SLC35D1: variants seen among roughly 807,000 people sequenced by gnomAD.
SLC35D1 encodes solute carrier family 35 member D1.
SLC35D1 carries 31 observed loss-of-function variants against 46.7 expected under a neutral mutation model. The observed-to-expected ratio is 0.66, with a 90% confidence interval of 0.50 to 0.90. SLC35D1 has a LOEUF of 0.90. Ranked by LOEUF, SLC35D1 falls within the 40% of genes least tolerant of loss-of-function variation. The pLI is 0.00. For synonymous variants in SLC35D1, 195 were observed against 164.6 expected (o/e 1.18, Z -1.41); for missense variants, 397 against 426.2 (o/e 0.93, Z 0.60).
At chr1:66,982,126 C>G in the SLC35D1 span, among the ~76,000 whole-genome samples, 399 of 152,270 alleles carry the variant, frequency 2.6e-3, 1 homozygote, top group African/African-American at 9.3e-3. Flanking sequence ...TTAATAAAGC[C>G]TACTGTCAAC....
Position 67,004,069 on chromosome 1 carries a change from T to C in SLC35D1, c.*271A>G, listed in dbSNP as rs973607669. 1.3e-5 allele frequency: 5 copies of C among 378,570 alleles called. No individual in the cohort carries two copies. Among genetic ancestry groups the C allele is most frequent in the African/African-American group, 1.0e-4 (5 of 48,502 alleles). The allele number at this position is 378,570 out of a possible 1,614,324, so 23.5% of individuals were successfully genotyped here. ...TACTTTCAAAACACTGATGTTTCAC[T>C]GTCGGCATATAAGAAAAATAAATTA... is the stretch of plus-strand genomic sequence containing the variant. On this transcript the variant is annotated 3_prime_UTR_variant, in exon 12 of 12. Coordinates refer to ENST00000235345, the MANE Select transcript of SLC35D1 (RefSeq NM_015139.3).
intron 6 of SLC35D1, among the ~76,000 whole-genome samples, chr1:67,048,969 G>A (rs1558167298): frequency 6.6e-6 from 1 of 152,166 alleles, no homozygotes; most frequent in Non-Finnish European, 1.5e-5. Flanking sequence ...CACAGAAGAG[G>A]AGACATGCTT....
At chr1:67,052,408 C>A (rs1645319146) in intron 3 of SLC35D1, among the ~76,000 whole-genome samples, 1 of 152,062 alleles carries the variant, frequency 6.6e-6, no homozygotes, top group Non-Finnish European at 1.5e-5. Context: ...AAAGTAAAGG[C>A]ATTTCATCTT....
intron 1 of SLC35D1, 98 bp downstream of exon 1, chr1:67,053,713 C>T (rs1342000983): frequency 6.9e-5 from 84 of 1,211,888 alleles, no homozygotes; most frequent in Non-Finnish European, 9.0e-5. Context: ...CTTTGTTCGG[C>T]TTTAACTTTG....
intron 8 of SLC35D1, among the ~76,000 whole-genome samples, chr1:67,040,518 A>G (rs1182621901): frequency 6.6e-6 from 1 of 152,188 alleles, no homozygotes; most frequent in African/African-American, 2.4e-5. Context: ...GTCTCTGCTA[A>G]TGTTTCTAAG....
the SLC35D1 span, among the ~76,000 whole-genome samples, chr1:66,977,525 T>C: frequency 1.3e-5 from 2 of 152,216 alleles, no homozygotes; most frequent in African/African-American, 4.8e-5. Flanking sequence ...AACTCTAGTG[T>C]AGTCCCATTG....
At chr1:66,984,611 A>C in the SLC35D1 span, 1 of 1,609,010 alleles carries the variant, frequency 6.2e-7, no homozygotes, top group African/African-American at 1.3e-5. Context: ...TTAAACAAAG[A>C]GGAAGTAAAA....
At chr1:67,010,344 T>G (rs1667539599) in intron 10 of SLC35D1, among the ~76,000 whole-genome samples, 1 of 152,176 alleles carries the variant, frequency 6.6e-6, no homozygotes. Context: ...AAAATATCTT[T>G]GCATCTTCTT....
rs745665531 is a variant in SLC35D1 at position 67,008,410 on chromosome 1, C to G, written c.959+675G>C. 3.9e-6 allele frequency: 5 copies of G among 1,286,816 alleles called. No individual in the cohort carries two copies. In the South Asian group the frequency reaches 6.2e-5, roughly 16 times the overall value. 79.7% of individuals were successfully genotyped at this position (1,286,816 alleles called of 1,614,324 possible). A position where few individuals can be genotyped will look rare whatever the true frequency, so the allele number is the denominator to read the frequency against. On this transcript the variant is annotated intron_variant, in intron 11 of 11. Transcript: ENST00000235345. ...CCTCAGCCTCCCAAAGTGGCACTAC[C>G]AACTCTTAACTCACAGAGACCTCTG...
intron 8 of SLC35D1, among the ~76,000 whole-genome samples, chr1:67,028,019 ACCACACCCAG>A (rs1667947399): frequency 1.3e-5 from 2 of 152,176 alleles, no homozygotes; most frequent in Non-Finnish European, 2.9e-5. Flanking sequence ...GGAGTGAGCC[ACCACACCCAG>A]CCACTATGTT....
intron 8 of SLC35D1, among the ~76,000 whole-genome samples, chr1:67,036,616 T>C (rs780961200): frequency 2.1e-4 from 32 of 152,082 alleles, no homozygotes; most frequent in Admixed American, 3.9e-4. Context: ...TTGGTCTCCA[T>C]TGGCATGTAA....
chr1:66,975,475 G>C, the SLC35D1 span, among the ~76,000 whole-genome samples: 1 of 151,898 alleles, frequency 6.6e-6, no homozygotes, highest in Non-Finnish European at 1.5e-5. Flanking sequence ...TGCAGTTAGC[G>C]GTTTGGTGCC....
intron 11 of SLC35D1, among the ~76,000 whole-genome samples, chr1:67,007,578 G>A (rs886971688): frequency 1.3e-5 from 2 of 152,130 alleles, no homozygotes; most frequent in Non-Finnish European, 2.9e-5. Context: ...TTACTGACTC[G>A]ATCATTATCA....
At chr1:67,016,608 T>C (rs1667691701) in intron 10 of SLC35D1, among the ~76,000 whole-genome samples, 1 of 152,150 alleles carries the variant, frequency 6.6e-6, no homozygotes, top group African/African-American at 2.4e-5. Flanking sequence ...AAAAACTTTT[T>C]TTTCTTCTAA....
the SLC35D1 span, among the ~76,000 whole-genome samples, chr1:66,980,539 T>C: frequency 2.0e-5 from 3 of 152,214 alleles, no homozygotes; most frequent in Non-Finnish European, 4.4e-5. Flanking sequence ...TAGCATATTA[T>C]AGACTATTAA....
the SLC35D1 span, among the ~76,000 whole-genome samples, chr1:66,977,040 T>G: frequency 2.0e-5 from 3 of 152,142 alleles, no homozygotes; most frequent in African/African-American, 7.2e-5. Context: ...AAGAAATGGA[T>G]CAGAACAGCT....
chr1:67,004,751 T>C (rs1488076275), intron 11 of SLC35D1, among the ~76,000 whole-genome samples: 2 of 152,200 alleles, frequency 1.3e-5, no homozygotes, highest in Non-Finnish European at 2.9e-5. Flanking sequence ...TGCACTGGAA[T>C]AGACAAAAGT....
At chr1:66,993,916 C>T in the SLC35D1 span, among the ~76,000 whole-genome samples, 4 of 152,212 alleles carry the variant, frequency 2.6e-5, no homozygotes, top group Admixed American at 6.5e-5. Context: ...ACCTCAAAGA[C>T]GTTCCTCCTG....
the SLC35D1 span, among the ~76,000 whole-genome samples, chr1:66,979,774 T>G: frequency 1.3e-5 from 2 of 152,118 alleles, no homozygotes; most frequent in Non-Finnish European, 2.9e-5. Context: ...TTTTTTTTTT[T>G]TTTTAAAGAC....
Sources: allele counts gnomAD v4.1 joint callset (sites outside exome capture counted in the v4.1 genomes callset), GRCh38; gene constraint gnomAD v4.1.1; transcripts MANE v1.5; gene names NCBI Gene and HGNC (gene_info 2026-07-23, HGNC 2026-07-21).